Variants in PIEZO2 observed in about 807,000 individuals in gnomAD.
The protein encoded by PIEZO2 is piezo-type mechanosensitive ion channel component 2.
Under a neutral mutation model 337.3 loss-of-function variants are expected in PIEZO2, and 172 were observed. That is an observed-to-expected ratio of 0.51 (90% CI 0.45 to 0.58). The LOEUF is 0.58. Ranked by LOEUF, PIEZO2 falls within the 20% of genes least tolerant of loss-of-function variation. PIEZO2 has a pLI of 0.00. For synonymous variants in PIEZO2, 1,251 were observed against 1,228.5 expected (o/e 1.02, Z -0.38); for missense variants, 3,028 against 3,391.3 (o/e 0.89, Z 2.66).
Position 10,726,596 on chromosome 18 carries a change from C to CGGAA in PIEZO2, c.5029+4810_5029+4811insTTCC. On this transcript the variant is annotated intron_variant, in intron 36 of 55. Transcript: ENST00000674853. The surrounding 1 kb of genome is among the most constrained non-coding windows in gnomAD (Gnocchi z 5.9). Reference sequence around the variant, plus strand: ...TTCCGCCAGCTCTTCCAGGACCTGGCGCGCTACGTGCGGGACGCCGACGTG... The same window carrying CGGAA: ...TTCCGCCAGCTCTTCCAGGACCTGGCGGAAGCGCTACGTGCGGGACGCCGACGTG... 1 of 1,371,246 alleles carries CGGAA rather than the reference C, an allele frequency of 7.3e-7. No individual in the cohort carries two copies. Among genetic ancestry groups the CGGAA allele is most frequent in the East Asian group, 2.7e-5 (1 of 37,344 alleles). 84.9% of individuals were successfully genotyped at this position (1,371,246 alleles called of 1,614,324 possible).
chr18:11,105,903 T>C lies in PIEZO2; in HGVS notation c.65-39681A>G, dbSNP rs1258156248. ...CAATCTAGTCCTTCTTCTGTAGGGTTATCTGACTGATTTAGGTCATTCCAA... is the reference window on the plus strand; with the variant it reads ...CAATCTAGTCCTTCTTCTGTAGGGTCATCTGACTGATTTAGGTCATTCCAA... On this transcript the variant is annotated intron_variant, in intron 1 of 55. Coordinates refer to ENST00000674853, the MANE Select transcript of PIEZO2 (RefSeq NM_001378183.1). The surrounding 1 kb of genome is among the most constrained non-coding windows in gnomAD (Gnocchi z 4.3). Among the ~76,000 whole-genome samples, 1 of 152,202 alleles carries C rather than the reference T, an allele frequency of 6.6e-6. No homozygotes were observed. Among genetic ancestry groups the C allele is most frequent in the African/African-American group, 2.4e-5 (1 of 41,454 alleles).
intron 3 of PIEZO2, among the ~76,000 whole-genome samples, chr18:10,931,434 C>T (rs2032076834): frequency 6.6e-6 from 1 of 152,108 alleles, no homozygotes; most frequent in Admixed American, 6.6e-5. Flanking sequence ...CTCCTGACCT[C>T]GTGATCCGCC....
chr18:10,718,332 G>A, intron 36 of PIEZO2, 73 bp from the exon 37 acceptor site: 2 of 1,260,670 alleles, frequency 1.6e-6, no homozygotes, highest in South Asian at 2.6e-5. Flanking sequence ...TACTCTTCTA[G>A]ATTAAAAGGA....
At chr18:10,743,492 G>T (rs2037305031) in intron 31 of PIEZO2, among the ~76,000 whole-genome samples, 1 of 152,144 alleles carries the variant, frequency 6.6e-6, no homozygotes, top group Non-Finnish European at 1.5e-5. Flanking sequence ...CCGGAGTGGA[G>T]TCAGTCTACC....
At chr18:10,689,869 A>G (rs192937905) in intron 48 of PIEZO2, 67 bp from the exon 49 acceptor site, 319 of 1,536,162 alleles carry the variant, frequency 2.1e-4, no homozygotes, top group Non-Finnish European at 2.6e-4. Context: ...CTCACCCAGG[A>G]GCTCAAGCAG....
At position 10,699,004 on chromosome 18, in the gene PIEZO2, T is replaced by G. The variant is rs1403954228; in HGVS notation, c.6615A>C (p.Thr2205=). The change falls in exon 44 of 56, where the codon ACA becomes ACC. Residue 2205 remains threonine (T), a synonymous_variant. Coordinates refer to ENST00000674853, the MANE Select transcript of PIEZO2 (RefSeq NM_001378183.1). The stretch of plus-strand genomic sequence containing the variant: ...TGCCGGAGCGCTTCCTCCGGACAGC[T>G]GTCTGCTGCTCCGGGAAGGTCACAT... The part of the protein sequence containing the change: ...SVHVTFPEQQ[T]AVRRKRSGSS... The G allele has an allele frequency of 7.8e-6, 12 of 1,537,058 alleles. No individual in the cohort carries two copies. Among genetic ancestry groups the G allele is most frequent in the Non-Finnish European group, 1.0e-5 (12 of 1,146,916 alleles).
rs1034954347 is a variant in PIEZO2 at position 10,988,646 on chromosome 18, A to G, written c.161-8986T>C. The stretch of plus-strand genomic sequence containing the variant: ...TCTGCACACCCATGTTTACTACAGC[A>G]TTATGCAAAACAACCAAGATATGGA... On this transcript the variant is annotated intron_variant, in intron 2 of 55. Coordinates refer to ENST00000674853, the MANE Select transcript of PIEZO2 (RefSeq NM_001378183.1). The surrounding 1 kb of genome is among the most constrained non-coding windows in gnomAD (Gnocchi z 4.8). Among the ~76,000 whole-genome samples the G allele has an allele frequency of 3.9e-5, 6 of 152,206 alleles. No homozygotes were observed. Among genetic ancestry groups the G allele is most frequent in the African/African-American group, 1.2e-4 (5 of 41,466 alleles).
chr18:10,916,822 C>T (rs1004913473), intron 3 of PIEZO2, among the ~76,000 whole-genome samples: 5 of 152,214 alleles, frequency 3.3e-5, no homozygotes, highest in East Asian at 3.8e-4. Flanking sequence ...GCTGCCAGCA[C>T]GCTGTCACCT....
At position 10,850,646 on chromosome 18, in the gene PIEZO2, T is replaced by C. The variant is rs952484971; in HGVS notation, c.917+4707A>G. 3.9e-5 allele frequency among the ~76,000 whole-genome samples: 6 copies of C among 152,186 alleles called. No homozygotes were observed. Among genetic ancestry groups the C allele is most frequent in the African/African-American group, 1.4e-4 (6 of 41,444 alleles). On this transcript the variant is annotated intron_variant, in intron 7 of 55. Coordinates refer to ENST00000674853, the MANE Select transcript of PIEZO2 (RefSeq NM_001378183.1). The surrounding 1 kb of genome is among the most constrained non-coding windows in gnomAD (Gnocchi z 4.5). ...ACTTTGCACTCTATGAAAATTACAT[T>C]TTAGAACATTTTATAACATAGGAAA...
Position 10,704,521 on chromosome 18 carries a change from A to T in PIEZO2, c.6131T>A (p.Ile2044Asn), listed in dbSNP as rs1185824713. The T allele has an allele frequency of 3.3e-6, 5 of 1,537,228 alleles. No individual in the cohort carries two copies. The change falls in exon 42 of 56, where the codon ATC becomes AAC. Residue 2044 changes from isoleucine to asparagine, a missense_variant. Transcript: ENST00000674853. ...RSEMVCYFVI[I>N]LNHMVSASMI... ...GGAGGCAGAGACCATGTGGTTGAGG[A>T]TGATCACGAAGTAGCACACCATCTC...
At chr18:10,697,160 CCTTTGCCCTAT>C (rs1274848985) in intron 45 of PIEZO2, among the ~76,000 whole-genome samples, 1 of 152,170 alleles carries the variant, frequency 6.6e-6, no homozygotes, top group Admixed American at 6.5e-5. Flanking sequence ...GTCTGTCTAA[CCTTTGCCCTAT>C]CTTTGCTCTG....
chr18:10,740,686 A>G (rs1177679114), intron 33 of PIEZO2: 1 of 402,046 alleles, frequency 2.5e-6, no homozygotes, highest in Admixed American at 3.7e-5. Flanking sequence ...TAGCCATAAA[A>G]TATGTATGTG....
chr18:10,994,594 G>C (rs2035235839), intron 2 of PIEZO2, among the ~76,000 whole-genome samples: 1 of 151,200 alleles, frequency 6.6e-6, no homozygotes, highest in South Asian at 2.1e-4. Context: ...ATTTTTAGTA[G>C]AGACGGGGTT....
chr18:11,073,048 T>C (rs1202218597), intron 1 of PIEZO2, among the ~76,000 whole-genome samples: 1 of 152,226 alleles, frequency 6.6e-6, no homozygotes, highest in East Asian at 1.9e-4. Flanking sequence ...TTATTTGCAA[T>C]CAAAATACAT....
chr18:10,869,154 A>C (rs543171533), intron 5 of PIEZO2, among the ~76,000 whole-genome samples: 1 of 152,340 alleles, frequency 6.6e-6, no homozygotes, highest in South Asian at 2.1e-4. Context: ...TTTATTAGAA[A>C]TTTTATTTAG....
chr18:10,866,943 T>C (rs1212381030), intron 5 of PIEZO2, among the ~76,000 whole-genome samples: 2 of 152,184 alleles, frequency 1.3e-5, no homozygotes, highest in African/African-American at 4.8e-5. Flanking sequence ...GAGGTATGTA[T>C]GACAGGAAGT....
rs2042827887 is a variant in PIEZO2, at chr18:10,894,053, A to C, written c.329+17133T>G. On this transcript the variant is annotated intron_variant, in intron 4 of 55. Coordinates refer to ENST00000674853, the MANE Select transcript of PIEZO2 (RefSeq NM_001378183.1). This position sits in a 1 kb window ranked among gnomAD's most constrained non-coding sequence, Gnocchi z 4.1. ...TAGTAATTGGTCGCAGCCAGCAGCAAGGAAAGGCCGTCTCCGTATAGATAG... is the reference window on the plus strand; with the variant it reads ...TAGTAATTGGTCGCAGCCAGCAGCACGGAAAGGCCGTCTCCGTATAGATAG... Among the ~76,000 whole-genome samples the C allele has an allele frequency of 6.6e-6, 1 of 152,190 alleles. No individual in the cohort carries two copies.
At position 10,724,774 on chromosome 18, in the gene PIEZO2, G is replaced by GT. The variant is rs1489746448; in HGVS notation, c.5030-6516dup. ...CCTGGCCTTGCCCGTGGCTCTGGCA[G>GT]TCCCCCCAGCACTGCAGCCCCAGCC... is the stretch of plus-strand genomic sequence containing the variant. On this transcript the variant is annotated intron_variant, in intron 36 of 55. Coordinates refer to ENST00000674853, the MANE Select transcript of PIEZO2 (RefSeq NM_001378183.1). This position sits in a 1 kb window ranked among gnomAD's most constrained non-coding sequence, Gnocchi z 5.8. 7.6e-6 allele frequency: 12 copies of GT among 1,570,592 alleles called. No individual in the cohort carries two copies. The Admixed American group carries it at 2.2e-4, about 29-fold the overall frequency.
intron 7 of PIEZO2, among the ~76,000 whole-genome samples, chr18:10,817,547 A>G (rs910387153): frequency 1.3e-5 from 2 of 152,228 alleles, no homozygotes; most frequent in African/African-American, 4.8e-5. Context: ...CAATTTGATT[A>G]TGACCTTCTA....
Sources: allele counts gnomAD v4.1 joint callset (sites outside exome capture counted in the v4.1 genomes callset), GRCh38; gene constraint gnomAD v4.1.1; non-coding constraint Gnocchi (gnomAD v3.1); transcripts MANE v1.5; gene names NCBI Gene and HGNC (gene_info 2026-07-23, HGNC 2026-07-21).